MIER1: variants seen among roughly 807,000 people sequenced by gnomAD.
MIER1 encodes MIER1 transcriptional regulator.
In MIER1, 40 loss-of-function variants were observed where a neutral mutation model predicts 75.7. That is an observed-to-expected ratio of 0.53 (90% confidence interval 0.41 to 0.69). MIER1 has a LOEUF of 0.69. MIER1 is among the 30% of genes least tolerant of loss of function. The pLI is 0.00. For missense variants in MIER1, 574 were observed against 680.2 expected, an observed-to-expected ratio of 0.84 and a Z score of 1.74; for synonymous variants, 213 against 223.4, an observed-to-expected ratio of 0.95 and a Z score of 0.42.
intron 4 of MIER1, among the ~76,000 whole-genome samples, chr1:66,955,335 A>ATTTT (rs1659870317): frequency 3.5e-5 from 1 of 28,764 alleles, no homozygotes; most frequent in African/African-American, 1.5e-4. Flanking sequence ...GCATCACCTG[A>ATTTT]GTTTTTTTTT....
chr1:66,948,233 A>G, intron 4 of MIER1: 1 of 939,154 alleles, frequency 1.1e-6, no homozygotes, highest in African/African-American at 1.8e-5. Flanking sequence ...AATAAAATAT[A>G]TCATGCATAT....
intron 2 of MIER1, among the ~76,000 whole-genome samples, chr1:66,932,424 G>C (rs1653652888): frequency 6.6e-6 from 1 of 152,052 alleles, no homozygotes; most frequent in African/African-American, 2.4e-5. Context: ...TAGTGAATTG[G>C]GGAAGAGTTA....
At chr1:66,926,668 C>T (rs924996457) in intron 2 of MIER1, among the ~76,000 whole-genome samples, 3 of 152,140 alleles carry the variant, frequency 2.0e-5, no homozygotes, top group Non-Finnish European at 2.9e-5. Flanking sequence ...TAAAATTTTA[C>T]CACCACATCA....
chr1:66,955,541 G>A (rs1180627229), intron 4 of MIER1, among the ~76,000 whole-genome samples: 1 of 151,738 alleles, frequency 6.6e-6, no homozygotes, highest in African/African-American at 2.4e-5. Context: ...TGGAGTGAAC[G>A]AAGTACCATG....
At chr1:66,971,522 A>C (rs1320092115) in intron 9 of MIER1, 133 bp from the exon 10 acceptor site, 1 of 556,574 alleles carries the variant, frequency 1.8e-6, no homozygotes, top group Non-Finnish European at 3.2e-6. Context: ...GGAGTTCTCT[A>C]TATATAACAT....
At chr1:66,971,580 G>A in intron 9 of MIER1, 75 bp from the exon 10 acceptor site, 2 of 768,694 alleles carry the variant, frequency 2.6e-6, no homozygotes, top group Non-Finnish European at 4.3e-6. Flanking sequence ...CTGGATGTTT[G>A]AAAAACTTTT....
At position 66,986,734 on chromosome 1, in the gene MIER1, T is replaced by C; in HGVS notation, c.*1834T>C. Reference sequence around the variant, plus strand: ...TAAATCAAAGTTTTGGGTGGAAGTGTTGAGAAGTATGAGTTTTTTGTTGTT... The same window carrying C: ...TAAATCAAAGTTTTGGGTGGAAGTGCTGAGAAGTATGAGTTTTTTGTTGTT... On this transcript the variant is annotated 3_prime_UTR_variant, in exon 14 of 14. Transcript: ENST00000401041. 1 of 340,896 alleles carries C rather than the reference T, an allele frequency of 2.9e-6. No homozygotes were observed. The highest frequency in any genetic ancestry group is 4.6e-5 in the East Asian group (1 of 21,562). The allele number at this position is 340,896 out of a possible 1,614,324, so 21.1% of individuals were successfully genotyped here. A position where few individuals can be genotyped will look rare whatever the true frequency, so the allele number is the denominator to read the frequency against.
In MIER1 at chr1:66,931,270, A is replaced by T. The variant is rs145586054; in HGVS notation, c.168+5028A>T. 4.1e-4 allele frequency among the ~76,000 whole-genome samples: 62 copies of T among 152,328 alleles called. No individual in the cohort carries two copies. The East Asian group carries it at 0.012, about 29-fold the overall frequency. ...TATTAATCGGAACTAAGTATACGCT[A>T]CTGGAACTTTAAATAACTGGAAGTT... On this transcript the variant is annotated intron_variant, in intron 2 of 13. Transcript: ENST00000401041.
intron 9 of MIER1, 71 bp downstream of exon 9, chr1:66,971,030 G>T (rs1449873642): frequency 5.7e-6 from 8 of 1,396,406 alleles, no homozygotes; most frequent in Non-Finnish European, 7.7e-6. Context: ...CACTTGCATT[G>T]TTGTTATTCT....
intron 3 of MIER1, among the ~76,000 whole-genome samples, chr1:66,942,755 CGTA>C (rs1035725707): frequency 6.6e-6 from 1 of 152,026 alleles, no homozygotes; most frequent in Non-Finnish European, 1.5e-5. Context: ...TAGAAAAAAG[CGTA>C]GTGTGCATGT....
At chr1:66,940,864 A>G (rs964543052) in intron 3 of MIER1, among the ~76,000 whole-genome samples, 1 of 152,210 alleles carries the variant, frequency 6.6e-6, no homozygotes, top group South Asian at 2.1e-4. Context: ...GTGACTGTCA[A>G]GAGAAATGGG....
chr1:66,955,345 T>TG (rs1343608312), intron 4 of MIER1, among the ~76,000 whole-genome samples: 2 of 138,158 alleles, frequency 1.4e-5, no homozygotes, highest in South Asian at 2.4e-4. Flanking sequence ...AGTTTTTTTT[T>TG]TTTTTTTTTT....
chr1:66,964,752 G>A (rs1450602469), intron 8 of MIER1, among the ~76,000 whole-genome samples: 1 of 152,072 alleles, frequency 6.6e-6, no homozygotes, highest in Non-Finnish European at 1.5e-5. Flanking sequence ...GCACCTGGCC[G>A]TATGTGTGCT....
At chr1:66,969,744 A>G (rs1366248202) in intron 8 of MIER1, among the ~76,000 whole-genome samples, 3 of 151,960 alleles carry the variant, frequency 2.0e-5, no homozygotes, top group East Asian at 1.9e-4. Flanking sequence ...ACAAACCAAA[A>G]CAACATAAAA....
At chr1:66,941,285 T>G (rs534432838) in intron 3 of MIER1, among the ~76,000 whole-genome samples, 145 of 152,302 alleles carry the variant, frequency 9.5e-4, no homozygotes, top group African/African-American at 3.4e-3. Context: ...TAAAGTACAT[T>G]AGGCTTTGTG....
rs185565793 is a variant in MIER1, at chr1:66,966,040, A to T, written c.772+2880A>T. 6.2e-3 allele frequency among the ~76,000 whole-genome samples: 908 copies of T among 146,890 alleles called. 7 individuals are homozygous for T. Among genetic ancestry groups the T allele is most frequent in the African/African-American group, 0.021 (848 of 40,414 alleles). On this transcript the variant is annotated intron_variant, in intron 8 of 13. Coordinates refer to ENST00000401041, the MANE Select transcript of MIER1 (RefSeq NM_001077700.3). ...GCACTCTATTGTGTATAAGTACCACATTTTTTTTTTTATACTTTAAGTTCT... is the reference window on the plus strand; with the variant it reads ...GCACTCTATTGTGTATAAGTACCACTTTTTTTTTTTTATACTTTAAGTTCT...
intron 2 of MIER1, among the ~76,000 whole-genome samples, chr1:66,936,368 C>T (rs558001647): frequency 6.6e-5 from 10 of 151,460 alleles, no homozygotes; most frequent in South Asian, 4.2e-4. Flanking sequence ...TACAGGCGCC[C>T]GCCACCAAAT....
At chr1:66,935,002 G>T (rs1014154614) in intron 2 of MIER1, among the ~76,000 whole-genome samples, 6 of 152,118 alleles carry the variant, frequency 3.9e-5, no homozygotes. Flanking sequence ...AATGGTGGTA[G>T]AATTGTTTTG....
Position 66,981,881 on chromosome 1 carries a change from G to A in MIER1, c.1332G>A (p.Glu444=). The A allele has an allele frequency of 6.2e-7, 1 of 1,614,068 alleles. No individual in the cohort carries two copies. Among genetic ancestry groups the A allele is most frequent in the African/African-American group, 1.3e-5 (1 of 75,052 alleles). The change falls in exon 13 of 14, where the codon GAG becomes GAA. Residue 444 remains glutamate, a synonymous_variant. Transcript: ENST00000401041. ...CAAACAGTAGTAACAGCCAGTCTGA[G>A]AAAGAAGATGGCACTGTAAGCACTG... ...TASNSSNSQS[E]KEDGTVSTAN...
Sources: allele counts gnomAD v4.1 joint callset (sites outside exome capture counted in the v4.1 genomes callset), GRCh38; gene constraint gnomAD v4.1.1; transcripts MANE v1.5; gene names NCBI Gene and HGNC (gene_info 2026-07-23, HGNC 2026-07-21).